Variants in UNC13C observed in about 807,000 individuals in gnomAD.
UNC13C encodes unc-13 homolog C, also known as protein unc-13 homolog C.
In UNC13C, 174 loss-of-function variants were observed where a neutral mutation model predicts 245.4. The ratio of observed to expected loss-of-function variants is 0.71; its 90% CI spans 0.63 to 0.80. The LOEUF (loss-of-function observed/expected upper bound fraction) is 0.80, where lower values mean the gene tolerates loss of function less well. UNC13C is among the 30% of genes least tolerant of loss of function. The pLI, the probability that UNC13C is intolerant of heterozygous loss-of-function variation, is 0.00. For synonymous variants in UNC13C, 992 were observed against 895.1 expected (o/e 1.11, Z -1.93); for missense variants, 2,829 against 2,602.9 (o/e 1.09, Z -1.89).
chr15:54,583,834 C>T (rs897231525), intron 30 of UNC13C, among the ~76,000 whole-genome samples: 1 of 152,176 alleles, frequency 6.6e-6, no homozygotes, highest in Non-Finnish European at 1.5e-5. Flanking sequence ...CAGCTGCTGA[C>T]CATGATCAAA....
chr15:54,011,968 C>T (rs996425131), intron 1 of UNC13C, among the ~76,000 whole-genome samples: 1 of 152,144 alleles, frequency 6.6e-6, no homozygotes, highest in Non-Finnish European at 1.5e-5. Flanking sequence ...ACCAACAAAG[C>T]CTTTTGACTG....
chr15:54,097,972 T>G (rs1401297512), intron 2 of UNC13C, among the ~76,000 whole-genome samples: 2 of 152,188 alleles, frequency 1.3e-5, no homozygotes, highest in East Asian at 3.9e-4. Flanking sequence ...AACGTTTCTT[T>G]GCTTTATCAG....
At chr15:54,620,939 A>G (rs979843696) in intron 30 of UNC13C, among the ~76,000 whole-genome samples, 2 of 152,128 alleles carry the variant, frequency 1.3e-5, no homozygotes, top group African/African-American at 2.4e-5. Flanking sequence ...AAGAAAAAAG[A>G]TGACTCCATC....
intron 4 of UNC13C, among the ~76,000 whole-genome samples, chr15:54,230,315 TTAATTTTGCATTTCAG>T (rs1272293012): frequency 6.6e-6 from 1 of 152,126 alleles, no homozygotes; most frequent in African/African-American, 2.4e-5. Flanking sequence ...TCATTGTGGT[TTAATTTTGCATTTCAG>T]TAATAATTAG....
chr15:54,324,741 G>A (rs772031474), intron 14 of UNC13C, among the ~76,000 whole-genome samples: 2 of 152,054 alleles, frequency 1.3e-5, no homozygotes, highest in Non-Finnish European at 2.9e-5. Context: ...GAGAGTTCAA[G>A]TAAAATGGAG....
At chr15:54,190,626 T>C (rs999845596) in intron 4 of UNC13C, among the ~76,000 whole-genome samples, 4 of 152,144 alleles carry the variant, frequency 2.6e-5, no homozygotes, top group African/African-American at 4.8e-5. Context: ...CATTGTATAA[T>C]GTATCACAAT....
chr15:54,589,872 A>G (rs900725588), intron 30 of UNC13C, among the ~76,000 whole-genome samples: 2 of 151,758 alleles, frequency 1.3e-5, no homozygotes, highest in Non-Finnish European at 2.9e-5. Flanking sequence ...GAAATCCTAT[A>G]TATAGGAGGG....
chr15:54,413,275 T>C (rs2040450789), intron 18 of UNC13C, among the ~76,000 whole-genome samples: 1 of 152,030 alleles, frequency 6.6e-6, no homozygotes, highest in Non-Finnish European at 1.5e-5. Flanking sequence ...TTGTTTCTTG[T>C]ATATTGTACT....
At chr15:54,258,424 C>T (rs1421067228) in intron 8 of UNC13C, among the ~76,000 whole-genome samples, 1 of 152,128 alleles carries the variant, frequency 6.6e-6, no homozygotes, top group African/African-American at 2.4e-5. Flanking sequence ...AGTACAGTGG[C>T]ACAATCTCGG....
Position 54,132,031 on chromosome 15 carries a change from TTA to T in UNC13C, c.2984-10985_2984-10984del, listed in dbSNP as rs374963012. Among the ~76,000 whole-genome samples the T allele has an allele frequency of 4.0e-3, 605 of 150,014 alleles. 7 individuals carry two copies. The highest frequency in any genetic ancestry group is 0.014 in the African/African-American group (582 of 40,804). Reference sequence around the variant, plus strand: ...CACTTTGTTCATATCTTTAACATCCTTATGATACTGAACTGTCATTGCAATTC... The same window carrying T: ...CACTTTGTTCATATCTTTAACATCCTTGATACTGAACTGTCATTGCAATTC... On this transcript the variant is annotated intron_variant, in intron 2 of 32. Transcript: ENST00000260323.
chr15:54,334,704 G>A (rs1289455021), intron 16 of UNC13C, among the ~76,000 whole-genome samples: 3 of 152,024 alleles, frequency 2.0e-5, no homozygotes, highest in East Asian at 1.9e-4. Flanking sequence ...TAGGTGATTA[G>A]GATAAATAGA....
chr15:54,603,097 A>G (rs1428519921), intron 30 of UNC13C, among the ~76,000 whole-genome samples: 4 of 152,204 alleles, frequency 2.6e-5, no homozygotes, highest in Admixed American at 6.5e-5. Flanking sequence ...TGTTTGTGGC[A>G]TCTCTGGCAT....
In UNC13C at chr15:54,181,260, T is replaced by C. The variant is rs374024966; in HGVS notation, c.3071+37576T>C. On this transcript the variant is annotated intron_variant, in intron 4 of 32. Coordinates refer to ENST00000260323, the MANE Select transcript of UNC13C (RefSeq NM_001080534.3). ...AGTATCATTATTGAATAGGGAGTCCTTCATCCATTGCTTATTTTTGTAGAC... is the reference window on the plus strand; with the variant it reads ...AGTATCATTATTGAATAGGGAGTCCCTCATCCATTGCTTATTTTTGTAGAC... Among the ~76,000 whole-genome samples, 372 of 152,208 alleles carry C rather than the reference T, an allele frequency of 2.4e-3. 2 individuals carry two copies. The highest frequency in any genetic ancestry group is 3.4e-3 in the Middle Eastern group (1 of 294).
chr15:53,951,087 T>C, the UNC13C span, among the ~76,000 whole-genome samples: 1 of 152,232 alleles, frequency 6.6e-6, no homozygotes, highest in African/African-American at 2.4e-5. Flanking sequence ...TTCATATTTT[T>C]AGGACCTCAT....
At position 54,494,640 on chromosome 15, in the gene UNC13C, G is replaced by A. The variant is rs751995192; in HGVS notation, c.4966G>A (p.Asp1656Asn). ...HENQRLCKST[D>N]YMNLHFKVKW... The stretch of plus-strand genomic sequence containing the variant: ...AAATCAGCGGTTATGCAAGAGCACC[G>A]ATTATATGAATTTGCATTTCAAAGT... The change falls in exon 20 of 33, where the codon GAT becomes AAT. Residue 1656 changes from aspartate to asparagine, a missense_variant. Transcript: ENST00000260323. The A allele has an allele frequency of 3.7e-5, 60 of 1,610,020 alleles. 1 individual carries two copies. In the Middle Eastern group the frequency reaches 6.6e-4, roughly 18 times the overall value.
chr15:53,878,361 T>TTTC, the UNC13C span, among the ~76,000 whole-genome samples: 1 of 152,148 alleles, frequency 6.6e-6, no homozygotes. Flanking sequence ...TACACAACAT[T>TTTC]TTCTTTTACC....
At chr15:54,379,093 T>A (rs2039666331) in intron 17 of UNC13C, among the ~76,000 whole-genome samples, 1 of 152,096 alleles carries the variant, frequency 6.6e-6, no homozygotes. Flanking sequence ...TGATAATTAC[T>A]CTTAAGACCA....
the UNC13C span, among the ~76,000 whole-genome samples, chr15:53,969,213 A>T: frequency 1.2e-4 from 18 of 152,156 alleles, no homozygotes; most frequent in Non-Finnish European, 2.2e-4. Context: ...ACTATTGAAA[A>T]TATGTCTAAA....
chr15:53,891,141 G>A, the UNC13C span, among the ~76,000 whole-genome samples: 2 of 151,992 alleles, frequency 1.3e-5, no homozygotes, highest in South Asian at 2.1e-4. Flanking sequence ...ATTTAGGAGC[G>A]GGTTGTTCAA....
Sources: gnomAD v4.1 joint callset for allele counts (sites outside exome capture counted in the v4.1 genomes callset) on GRCh38, gnomAD v4.1.1 for gene constraint, MANE v1.5 for transcripts, NCBI Gene and HGNC (gene_info 2026-07-23, HGNC 2026-07-21) for gene names.